KBTBD12: variants seen among roughly 807,000 people sequenced by gnomAD.
KBTBD12 encodes kelch repeat and BTB domain containing 12.
KBTBD12 carries 53 observed loss-of-function variants against 58.7 expected under a neutral mutation model. The observed-to-expected ratio is 0.90, with a 90% CI of 0.72 to 1.14. The LOEUF (loss-of-function observed/expected upper bound fraction) is 1.14. Among genes scored for constraint, KBTBD12 ranks in the 50% most tolerant of loss-of-function variants. The probability of loss-of-function intolerance (pLI) is 0.00; values close to 1 mark genes in which losing one functional copy is unlikely to be tolerated. For synonymous variants in KBTBD12, 236 were observed against 259.8 expected, an observed-to-expected ratio of 0.91 and a Z score of 0.88; for missense variants, 704 against 751.3, an observed-to-expected ratio of 0.94 and a Z score of 0.74.
At chr3:127,977,234 C>T (rs116736931) in intron 5 of KBTBD12, among the ~76,000 whole-genome samples, 9,445 of 152,262 alleles carry the variant, frequency 0.062, 345 homozygotes, top group South Asian at 0.15. Context: ...TCTGGTCTAC[C>T]ACTGATGGCA....
intron 4 of KBTBD12, among the ~76,000 whole-genome samples, chr3:127,962,804 G>T (rs550791345): frequency 6.6e-6 from 1 of 152,274 alleles, no homozygotes; most frequent in South Asian, 2.1e-4. Context: ...AGCCACATCA[G>T]CAAAAGCATT....
chr3:127,941,839 A>G (rs189790343), intron 4 of KBTBD12, among the ~76,000 whole-genome samples: 9 of 152,270 alleles, frequency 5.9e-5, no homozygotes, highest in African/African-American at 2.2e-4. Context: ...ATCTGAAGTG[A>G]TCCACCCGCC....
intron 4 of KBTBD12, among the ~76,000 whole-genome samples, chr3:127,947,638 A>G (rs78997967): frequency 0.013 from 1,970 of 152,310 alleles, 39 homozygotes; most frequent in South Asian, 0.041. Context: ...TTTGGCCCAG[A>G]ATCCAGATTG....
At chr3:127,983,018 C>T (rs1559777726) in intron 5 of KBTBD12, among the ~76,000 whole-genome samples, 1 of 152,242 alleles carries the variant, frequency 6.6e-6, no homozygotes, top group Non-Finnish European at 1.5e-5. Flanking sequence ...GGCCACATGA[C>T]TCCAGCCGTG....
chr3:127,951,446 A>G (rs1484925069), intron 4 of KBTBD12, among the ~76,000 whole-genome samples: 1 of 152,220 alleles, frequency 6.6e-6, no homozygotes, highest in African/African-American at 2.4e-5. Flanking sequence ...GGTCAGCCTT[A>G]GAAGAGGACT....
chr3:127,978,805 T>C (rs1024551094), intron 5 of KBTBD12, among the ~76,000 whole-genome samples: 1 of 152,158 alleles, frequency 6.6e-6, no homozygotes, highest in African/African-American at 2.4e-5. Flanking sequence ...GGCATGCATG[T>C]TCATGGAAAG....
chr3:127,949,518 C>T (rs1290628872), intron 4 of KBTBD12, among the ~76,000 whole-genome samples: 1 of 152,194 alleles, frequency 6.6e-6, no homozygotes, highest in Non-Finnish European at 1.5e-5. Flanking sequence ...CACACACCTT[C>T]AAGAGACTAA....
intron 4 of KBTBD12, among the ~76,000 whole-genome samples, chr3:127,958,791 G>A (rs1473470922): frequency 6.6e-6 from 1 of 152,144 alleles, no homozygotes. Context: ...GCAGACAGAT[G>A]ATTGTGTTTT....
At chr3:127,918,156 T>A (rs1162554562) in intron 1 of KBTBD12, among the ~76,000 whole-genome samples, 1 of 152,004 alleles carries the variant, frequency 6.6e-6, no homozygotes, top group East Asian at 1.9e-4. Flanking sequence ...CTAAAATAAA[T>A]AAGTAAACAT....
intron 2 of KBTBD12, 52 bp downstream of exon 2, chr3:127,924,183 CAGT>C (rs1403875998): frequency 5.1e-6 from 6 of 1,180,590 alleles, no homozygotes; most frequent in African/African-American, 1.5e-5. Context: ...ATACTAGCAG[CAGT>C]AGAAGAAAGA....
intron 1 of KBTBD12, among the ~76,000 whole-genome samples, chr3:127,921,258 A>G (rs1939399702): frequency 6.6e-6 from 1 of 152,134 alleles, no homozygotes; most frequent in South Asian, 2.1e-4. Context: ...ATAATAGAGT[A>G]AGGATTCAAA....
chr3:127,945,867 T>C (rs1940070775), intron 4 of KBTBD12, among the ~76,000 whole-genome samples: 3 of 151,884 alleles, frequency 2.0e-5, no homozygotes, highest in Admixed American at 2.0e-4. Flanking sequence ...TCGGTAGAGA[T>C]GGGGTTTCAC....
intron 1 of KBTBD12, among the ~76,000 whole-genome samples, chr3:127,916,126 T>C (rs1939230914): frequency 6.6e-6 from 1 of 152,184 alleles, no homozygotes; most frequent in Non-Finnish European, 1.5e-5. Flanking sequence ...TTGAAAAGTA[T>C]AAAGCACTGT....
chr3:127,935,076 A>T (rs1170255492), intron 4 of KBTBD12, among the ~76,000 whole-genome samples: 1 of 152,204 alleles, frequency 6.6e-6, no homozygotes, highest in Non-Finnish European at 1.5e-5. Flanking sequence ...ATATAAAAGA[A>T]TACAGATGCT....
At chr3:127,945,678 CT>C (rs36060646) in intron 4 of KBTBD12, among the ~76,000 whole-genome samples, 8,470 of 127,050 alleles carry the variant, frequency 0.067, 202 homozygotes, top group African/African-American at 0.12. Context: ...CTTATTTTCA[CT>C]TTTTTTTTTT....
At chr3:127,920,866 C>G (rs180784026) in intron 1 of KBTBD12, among the ~76,000 whole-genome samples, 2 of 151,596 alleles carry the variant, frequency 1.3e-5, no homozygotes, top group Admixed American at 1.3e-4. Flanking sequence ...ATGAATGCAC[C>G]AGTTCAGTCT....
At chr3:127,951,636 T>A (rs1343629018) in intron 4 of KBTBD12, among the ~76,000 whole-genome samples, 1 of 152,202 alleles carries the variant, frequency 6.6e-6, no homozygotes, top group African/African-American at 2.4e-5. Context: ...CTCAGGAGCA[T>A]GGGACTTTTC....
At chr3:127,918,391 C>T (rs1457383140) in intron 1 of KBTBD12, among the ~76,000 whole-genome samples, 1 of 152,142 alleles carries the variant, frequency 6.6e-6, no homozygotes, top group African/African-American at 2.4e-5. Flanking sequence ...GGAGATATTT[C>T]TGACACAGAT....
chr3:127,944,463 T>C (rs1174602673), intron 4 of KBTBD12, among the ~76,000 whole-genome samples: 1 of 152,244 alleles, frequency 6.6e-6, no homozygotes, highest in Non-Finnish European at 1.5e-5. Flanking sequence ...GAGATTTCTC[T>C]ATTTCCTTGT....
Sources: gnomAD v4.1 joint callset for allele counts (sites outside exome capture counted in the v4.1 genomes callset) on GRCh38, gnomAD v4.1.1 for gene constraint, MANE v1.5 for transcripts, NCBI Gene and HGNC (gene_info 2026-07-23, HGNC 2026-07-21) for gene names.